RNF135: variants seen among roughly 807,000 people sequenced by gnomAD.
RNF135 encodes the protein E3 ubiquitin-protein ligase RNF135.
A neutral mutation model predicts 41.9 loss-of-function variants in RNF135; 46 were observed. The observed-to-expected ratio is 1.10, with a 90% CI of 0.87 to 1.40. The LOEUF (loss-of-function observed/expected upper bound fraction) is 1.40. RNF135 is among the 40% of genes most tolerant of loss of function. The pLI, the probability that RNF135 is intolerant of heterozygous loss-of-function variation, is 0.00. For synonymous variants in RNF135, 238 were observed against 223.8 expected (o/e 1.06, Z -0.57); for missense variants, 539 against 549.8 (o/e 0.98, Z 0.20).
intron 1 of RNF135, among the ~76,000 whole-genome samples, chr17:30,974,540 A>G (rs1004020396): frequency 6.6e-6 from 1 of 151,434 alleles, no homozygotes; most frequent in South Asian, 2.1e-4. Flanking sequence ...TCCCTAAAAC[A>G]CAGAATGTCT....
At chr17:30,959,898 C>T in the RNF135 span, 2 of 151,808 alleles carry the variant, frequency 1.3e-5, no homozygotes, top group African/African-American at 4.8e-5. Flanking sequence ...TGCCTGTAGT[C>T]CCAGCTACTC....
At chr17:30,989,120 A>G (rs1306221799) in intron 3 of RNF135, among the ~76,000 whole-genome samples, 1 of 150,470 alleles carries the variant, frequency 6.6e-6, no homozygotes, top group Non-Finnish European at 1.5e-5. Context: ...CTGTAATCCC[A>G]GTGCTTTGGG....
the RNF135 span, among the ~76,000 whole-genome samples, chr17:30,963,469 G>A: frequency 2.0e-5 from 3 of 152,026 alleles, no homozygotes; most frequent in Non-Finnish European, 2.9e-5. Context: ...CTACTCGGGA[G>A]GCTGAAGCAG....
chr17:30,995,008 C>G (rs1466214498), intron 3 of RNF135, among the ~76,000 whole-genome samples: 1 of 152,006 alleles, frequency 6.6e-6, no homozygotes, highest in African/African-American at 2.4e-5. Context: ...TGTGGCACAA[C>G]TATGGCTCAC....
chr17:30,999,216 G>A lies in RNF135; in HGVS notation c.*25G>A. 1.2e-6 allele frequency: 2 copies of A among 1,607,306 alleles called. No homozygotes were observed. The highest frequency in any genetic ancestry group is 1.7e-6 in the Non-Finnish European group (2 of 1,178,910). Reference sequence around the variant, plus strand: ...AGGTTTCCTAAGGGATTACAACACAGTGGTTTCCTGGTCTCTCTCCCTGTC... The same window carrying A: ...AGGTTTCCTAAGGGATTACAACACAATGGTTTCCTGGTCTCTCTCCCTGTC... On this transcript the variant is annotated 3_prime_UTR_variant, in exon 5 of 5. Transcript: ENST00000328381.
intron 3 of RNF135, among the ~76,000 whole-genome samples, chr17:30,990,625 G>C (rs893750524): frequency 1.3e-5 from 2 of 152,058 alleles, no homozygotes; most frequent in African/African-American, 2.4e-5. Flanking sequence ...TTTTATTACC[G>C]TTTTTTTGAG....
chr17:30,976,003 A>C, intron 1 of RNF135: 1 of 342,224 alleles, frequency 2.9e-6, no homozygotes, highest in Non-Finnish European at 5.4e-6. Flanking sequence ...ATACTAAAAA[A>C]ATTTTTTTTG....
upstream of RNF135, among the ~76,000 whole-genome samples, chr17:30,970,040 T>C (rs1157882716): frequency 6.6e-6 from 1 of 152,170 alleles, no homozygotes; most frequent in Non-Finnish European, 1.5e-5. Flanking sequence ...TACAAACTTG[T>C]ATTATCTGAT....
chr17:30,961,532 G>A, the RNF135 span, among the ~76,000 whole-genome samples: 3 of 151,810 alleles, frequency 2.0e-5, no homozygotes, highest in East Asian at 1.9e-4. Flanking sequence ...GTGTCATCCC[G>A]GCTCACTACA....
At chr17:30,963,831 T>C in the RNF135 span, among the ~76,000 whole-genome samples, 3 of 152,068 alleles carry the variant, frequency 2.0e-5, no homozygotes, top group Non-Finnish European at 2.9e-5. Flanking sequence ...AAAAATGGGG[T>C]GAGGCCAGAT....
At chr17:30,988,251 G>A in intron 3 of RNF135, 145 bp downstream of exon 3, 4 of 799,012 alleles carry the variant, frequency 5.0e-6, no homozygotes, top group East Asian at 2.7e-5. Flanking sequence ...GTAGGGGTGG[G>A]CTGAAGTGAT....
chr17:30,983,646 G>A (rs973410701), intron 1 of RNF135, among the ~76,000 whole-genome samples: 7 of 151,474 alleles, frequency 4.6e-5, no homozygotes, highest in African/African-American at 7.3e-5. Flanking sequence ...GAGCTATTGC[G>A]CCTGGCCTAT....
At chr17:30,961,425 C>A in the RNF135 span, among the ~76,000 whole-genome samples, 1 of 151,932 alleles carries the variant, frequency 6.6e-6, no homozygotes, top group African/African-American at 2.4e-5. Flanking sequence ...GCAAACTTTG[C>A]GGTTCACCTC....
chr17:30,966,754 C>T (rs1905569352), upstream of RNF135, among the ~76,000 whole-genome samples: 2 of 151,920 alleles, frequency 1.3e-5, no homozygotes, highest in Admixed American at 6.6e-5. Context: ...ATCCACACGC[C>T]TCGGCCTCCC....
chr17:30,988,924 C>CT lies in RNF135; in HGVS notation c.679+838dup, dbSNP rs572603845. Among the ~76,000 whole-genome samples, 299 of 99,918 alleles carry CT rather than the reference C, an allele frequency of 3.0e-3. 1 individual carries two copies. The highest frequency in any genetic ancestry group is 3.5e-3 in the Non-Finnish European group (169 of 48,836). 65.6% of individuals were successfully genotyped at this position (99,918 alleles called of 152,430 possible). On this transcript the variant is annotated intron_variant, in intron 3 of 4. Coordinates refer to ENST00000328381, the MANE Select transcript of RNF135 (RefSeq NM_032322.4). ...GGTTTTTTTTTTCTTTTCTTTCTTT[C>CT]TTTTTTTTTTTTTTTTTTTTAAGTA...
the RNF135 span, among the ~76,000 whole-genome samples, chr17:30,960,885 G>A: frequency 3.3e-5 from 5 of 150,882 alleles, no homozygotes; most frequent in South Asian, 6.3e-4. Context: ...GACTACAGGC[G>A]CCCGCCACTA....
the RNF135 span, chr17:30,959,696 T>G: frequency 6.6e-6 from 1 of 152,034 alleles, no homozygotes; most frequent in Non-Finnish European, 1.5e-5. Context: ...ATCAACATGG[T>G]GACCTCCCAG....
chr17:30,979,287 GC>G (rs1157384775), intron 1 of RNF135: 1 of 131,374 alleles, frequency 7.6e-6, no homozygotes, highest in Admixed American at 7.5e-5. Context: ...AGGCAGAGGG[GC>G]TCCTCACTTC....
rs962741085 is a variant in RNF135 at position 30,971,696 on chromosome 17, C to T, written c.372+251C>T. The T allele has an allele frequency of 3.8e-6, 5 of 1,326,006 alleles. No homozygotes were observed. The African/African-American group carries it at 7.8e-5, about 21-fold the overall frequency. The allele number at this position is 1,326,006 out of a possible 1,614,324, so 82.1% of individuals were successfully genotyped here. On this transcript the variant is annotated intron_variant, in intron 1 of 4. Coordinates refer to ENST00000328381, the MANE Select transcript of RNF135 (RefSeq NM_032322.4). ...TGTTACACAGCTTGGCATATTTCAA[C>T]TTCTTCCCAATCGATCTTCGGTCTC...
Sources: allele counts gnomAD v4.1 joint callset (sites outside exome capture counted in the v4.1 genomes callset), GRCh38; gene constraint gnomAD v4.1.1; transcripts MANE v1.5; gene names NCBI Gene and HGNC (gene_info 2026-07-23, HGNC 2026-07-21).